The following LRMDA variants were observed in gnomAD, a reference collection of about 807,000 sequenced individuals.
The protein encoded by LRMDA is leucine rich melanocyte differentiation associated.
In LRMDA, 18 loss-of-function variants were observed where a neutral mutation model predicts 29.8. The observed-to-expected ratio is 0.60, with a 90% confidence interval of 0.42 to 0.90. The LOEUF (loss-of-function observed/expected upper bound fraction) is 0.90. LRMDA is among the 40% of genes least tolerant of loss of function. LRMDA has a pLI of 0.00. For missense variants in LRMDA, 273 were observed against 273.9 expected, an observed-to-expected ratio of 1.00 and a Z score of 0.02; for synonymous variants, 125 against 109.4, an observed-to-expected ratio of 1.14 and a Z score of -0.89.
chr10:75,968,609 T>C (rs1428179176), intron 2 of LRMDA, among the ~76,000 whole-genome samples: 4 of 152,148 alleles, frequency 2.6e-5, no homozygotes, highest in East Asian at 3.9e-4. Context: ...AAAATACTTA[T>C]CCAATTAAAC....
At chr10:76,464,663 T>G (rs1842546705) in intron 6 of LRMDA, among the ~76,000 whole-genome samples, 1 of 152,206 alleles carries the variant, frequency 6.6e-6, no homozygotes, top group African/African-American at 2.4e-5. Flanking sequence ...TGGGGTAACC[T>G]CAAATACCTC....
chr10:75,581,338 G>A (rs562200908), intron 2 of LRMDA, among the ~76,000 whole-genome samples: 4 of 152,270 alleles, frequency 2.6e-5, no homozygotes, highest in African/African-American at 9.6e-5. Context: ...ATTGTCATTA[G>A]GTAAATGCAA....
chr10:76,441,351 A>G (rs1271597500), intron 6 of LRMDA, among the ~76,000 whole-genome samples: 1 of 152,188 alleles, frequency 6.6e-6, no homozygotes, highest in Non-Finnish European at 1.5e-5. Flanking sequence ...TTCATTTTTT[A>G]TCCTCATGTT....
At chr10:75,750,530 G>A (rs1422336631) in intron 2 of LRMDA, among the ~76,000 whole-genome samples, 5 of 145,584 alleles carry the variant, frequency 3.4e-5, no homozygotes, top group Admixed American at 6.8e-5. Context: ...ATGGGGCGGC[G>A]GGGCAGAGGC....
chr10:76,044,909 TCCCTCTCTTGCTAGTTTC>T (rs964815449), intron 3 of LRMDA, among the ~76,000 whole-genome samples: 1 of 152,128 alleles, frequency 6.6e-6, no homozygotes, highest in Non-Finnish European at 1.5e-5. Context: ...CTTGCTAGTT[TCCCTCTCTTGCTAGTTTC>T]CCCTCTCTTG....
At chr10:76,039,822 T>C (rs946445072) in intron 3 of LRMDA, among the ~76,000 whole-genome samples, 8 of 152,232 alleles carry the variant, frequency 5.3e-5, no homozygotes, top group African/African-American at 1.9e-4. Flanking sequence ...TATTAGATTC[T>C]AGTAACATAG....
intron 2 of LRMDA, among the ~76,000 whole-genome samples, chr10:75,620,318 A>C (rs1220110857): frequency 6.6e-6 from 1 of 152,246 alleles, no homozygotes; most frequent in East Asian, 1.9e-4. Context: ...ACACACTTTC[A>C]TTTAAAATTT....
At chr10:76,446,342 A>G (rs1385687819) in intron 6 of LRMDA, among the ~76,000 whole-genome samples, 1 of 152,138 alleles carries the variant, frequency 6.6e-6, no homozygotes, top group Non-Finnish European at 1.5e-5. Flanking sequence ...GCACACCCAT[A>G]TATAGTCAAC....
chr10:76,030,248 TTG>T (rs374768624), intron 2 of LRMDA, among the ~76,000 whole-genome samples: 68 of 151,124 alleles, frequency 4.5e-4, no homozygotes, highest in Middle Eastern at 3.4e-3. Context: ...ATATAATTAT[TTG>T]TGTGTGTGTG....
At chr10:75,851,087 T>G (rs1844725257) in intron 2 of LRMDA, among the ~76,000 whole-genome samples, 1 of 152,236 alleles carries the variant, frequency 6.6e-6, no homozygotes, top group Non-Finnish European at 1.5e-5. Context: ...TATTATTACT[T>G]GCTGATGGGA....
chr10:75,533,078 A>T (rs1284374202), intron 2 of LRMDA, among the ~76,000 whole-genome samples: 1 of 152,214 alleles, frequency 6.6e-6, no homozygotes, highest in African/African-American at 2.4e-5. Context: ...TTGAAAAGAA[A>T]GGTACTAGGC....
At chr10:76,192,524 G>T (rs192700535) in intron 5 of LRMDA, among the ~76,000 whole-genome samples, 32 of 152,272 alleles carry the variant, frequency 2.1e-4, no homozygotes, top group Non-Finnish European at 4.6e-4. Context: ...TCATCTTGAG[G>T]TATACCAGCT....
rs148878223 is a variant in LRMDA at position 75,961,253 on chromosome 10, A to T, written c.132-74755A>T. Among the ~76,000 whole-genome samples the T allele has an allele frequency of 4.8e-3, 737 of 152,334 alleles. 13 individuals carry two copies. The highest frequency in any genetic ancestry group is 0.015 in the African/African-American group (644 of 41,566). ...TTCCTTCCAGTATTCTACTTTTTAC[A>T]TATAGGGTATTTTATATGCTGCCTC... On this transcript the variant is annotated intron_variant, in intron 2 of 6. Transcript: ENST00000611255.
At position 76,038,710 on chromosome 10, in the gene LRMDA, T is replaced by G. The variant is rs114407214; in HGVS notation, c.258+2576T>G. ...CTCTCCTACCTAACTGTGAGAATGTTGCAGGCTTTCCAACAATTTCTAGGT... is the reference window on the plus strand; with the variant it reads ...CTCTCCTACCTAACTGTGAGAATGTGGCAGGCTTTCCAACAATTTCTAGGT... On this transcript the variant is annotated intron_variant, in intron 3 of 6. Transcript: ENST00000611255. Among the ~76,000 whole-genome samples, 497 of 152,356 alleles carry G rather than the reference T, an allele frequency of 3.3e-3. 1 individual carries two copies. The highest frequency in any genetic ancestry group is 0.012 in the African/African-American group (487 of 41,584).
intron 6 of LRMDA, among the ~76,000 whole-genome samples, chr10:76,493,191 C>G (rs1464760004): frequency 6.6e-6 from 1 of 152,028 alleles, no homozygotes; most frequent in African/African-American, 2.4e-5. Context: ...ATTTATTGCA[C>G]CTAAGCTGGC....
At chr10:75,689,366 T>C (rs1564540476) in intron 2 of LRMDA, among the ~76,000 whole-genome samples, 1 of 152,236 alleles carries the variant, frequency 6.6e-6, no homozygotes. Context: ...AGGTGGATTC[T>C]TGAGAGGTGG....
intron 6 of LRMDA, among the ~76,000 whole-genome samples, chr10:76,331,074 C>G (rs1840898859): frequency 6.6e-6 from 1 of 152,124 alleles, no homozygotes; most frequent in Non-Finnish European, 1.5e-5. Context: ...AGTTCGAGAC[C>G]AGCCTGGCCA....
chr10:75,785,678 C>T (rs978427299), intron 2 of LRMDA, among the ~76,000 whole-genome samples: 2 of 152,132 alleles, frequency 1.3e-5, no homozygotes, highest in African/African-American at 4.8e-5. Context: ...AGATTAATTT[C>T]GGGTAATGAA....
At chr10:76,055,498 G>C (rs1848599364) in intron 4 of LRMDA, among the ~76,000 whole-genome samples, 1 of 152,190 alleles carries the variant, frequency 6.6e-6, no homozygotes, top group Admixed American at 6.5e-5. Flanking sequence ...TCTGTGACTG[G>C]TGGTTCCTTT....
Sources: gnomAD v4.1 joint callset for allele counts (sites outside exome capture counted in the v4.1 genomes callset) on GRCh38, gnomAD v4.1.1 for gene constraint, MANE v1.5 for transcripts, NCBI Gene and HGNC (gene_info 2026-07-23, HGNC 2026-07-21) for gene names.